Variants in PTPRD observed in about 807,000 individuals in gnomAD.
The protein encoded by PTPRD is receptor-type tyrosine-protein phosphatase delta.
PTPRD carries 34 observed loss-of-function variants against 214.5 expected under a neutral mutation model. That is an observed-to-expected ratio of 0.16 (90% CI 0.12 to 0.21). The LOEUF (loss-of-function observed/expected upper bound fraction) is 0.21, where lower values mean the gene tolerates loss of function less well. PTPRD is among the 10% of genes least tolerant of loss of function. PTPRD has a pLI of 1.00. For synonymous variants in PTPRD, 1,128 were observed against 845.7 expected, an observed-to-expected ratio of 1.33 and a Z score of -5.79; for missense variants, 2,545 against 2,398.7, an observed-to-expected ratio of 1.06 and a Z score of -1.27.
intron 2 of PTPRD, among the ~76,000 whole-genome samples, chr9:10,376,645 A>G (rs776853369): frequency 2.6e-5 from 4 of 151,970 alleles, no homozygotes; most frequent in East Asian, 3.9e-4. Context: ...TTATTCTTCA[A>G]TGCTATTTAA....
At chr9:9,853,730 G>A (rs2060994387) in intron 5 of PTPRD, among the ~76,000 whole-genome samples, 1 of 151,990 alleles carries the variant, frequency 6.6e-6, no homozygotes, top group Non-Finnish European at 1.5e-5. Flanking sequence ...TGTATTTTTA[G>A]TAGAGACGGG....
chr9:9,887,149 C>T (rs1425644645), intron 5 of PTPRD, among the ~76,000 whole-genome samples: 1 of 152,136 alleles, frequency 6.6e-6, no homozygotes, highest in African/African-American at 2.4e-5. Flanking sequence ...TCTTCTCATA[C>T]TTTCACTTCA....
At chr9:10,052,234 C>T (rs989781140) in intron 3 of PTPRD, among the ~76,000 whole-genome samples, 1 of 152,150 alleles carries the variant, frequency 6.6e-6, no homozygotes, top group Non-Finnish European at 1.5e-5. Context: ...GCTGCTTCAC[C>T]TGCCTTTACA....
intron 9 of PTPRD, among the ~76,000 whole-genome samples, chr9:9,208,682 A>T (rs1260179650): frequency 6.6e-6 from 1 of 152,186 alleles, no homozygotes; most frequent in East Asian, 1.9e-4. Flanking sequence ...TGTAGAAAGA[A>T]ATAAAGAAGA....
chr9:9,079,081 A>C (rs191163663), intron 10 of PTPRD, among the ~76,000 whole-genome samples: 2 of 152,026 alleles, frequency 1.3e-5, no homozygotes. Context: ...TTCTCCTTCT[A>C]GTTATTTGAA....
intron 2 of PTPRD, among the ~76,000 whole-genome samples, chr9:10,505,279 G>A (rs562781249): frequency 7.8e-4 from 118 of 152,252 alleles, no homozygotes; most frequent in African/African-American, 2.7e-3. Context: ...CCCAAAGAGA[G>A]GCAATTAGAC....
At chr9:10,328,262 G>C (rs1431096936) in intron 3 of PTPRD, among the ~76,000 whole-genome samples, 1 of 151,476 alleles carries the variant, frequency 6.6e-6, no homozygotes. Flanking sequence ...TTTCTTAGTA[G>C]CTCAGAGACA....
chr9:9,750,222 T>C (rs1309089405), intron 6 of PTPRD, among the ~76,000 whole-genome samples: 1 of 152,144 alleles, frequency 6.6e-6, no homozygotes, highest in African/African-American at 2.4e-5. Flanking sequence ...ATTCTAGCAA[T>C]TATATACTTT....
intron 39 of PTPRD, among the ~76,000 whole-genome samples, chr9:8,366,413 A>T (rs2079891796): frequency 6.6e-6 from 1 of 152,208 alleles, no homozygotes; most frequent in Admixed American, 6.5e-5. Flanking sequence ...TGGAAGAGGT[A>T]TTGAGGGAGG....
intron 11 of PTPRD, among the ~76,000 whole-genome samples, chr9:8,783,186 T>C (rs2095805119): frequency 6.6e-6 from 1 of 152,158 alleles, no homozygotes; most frequent in Non-Finnish European, 1.5e-5. Flanking sequence ...AAATCCATTT[T>C]AAAGTCAGAA....
intron 9 of PTPRD, among the ~76,000 whole-genome samples, chr9:9,297,971 T>A (rs927915659): frequency 6.6e-6 from 1 of 151,634 alleles, no homozygotes; most frequent in Non-Finnish European, 1.5e-5. Flanking sequence ...TAAGTTTGGT[T>A]TGGATAATTC....
chr9:9,457,102 G>A (rs1365982845), intron 8 of PTPRD, among the ~76,000 whole-genome samples: 2 of 151,848 alleles, frequency 1.3e-5, no homozygotes, highest in Non-Finnish European at 2.9e-5. Flanking sequence ...ACAGCAATAG[G>A]GTAGTGAGTA....
At chr9:9,091,540 G>C (rs1160757713) in intron 10 of PTPRD, among the ~76,000 whole-genome samples, 1 of 152,128 alleles carries the variant, frequency 6.6e-6, no homozygotes, top group Non-Finnish European at 1.5e-5. Context: ...CCCATTTCCA[G>C]TATCAACTCT....
rs534486118 is a variant in PTPRD at position 10,181,015 on chromosome 9, C to T, written c.-544-147225G>A. 3.3e-5 allele frequency among the ~76,000 whole-genome samples: 5 copies of T among 152,154 alleles called. No individual in the cohort carries two copies. The South Asian group carries it at 1.0e-3, about 32-fold the overall frequency. ...TTAAGAATAGCATCAGGATTGTCTT[C>T]TACCACTCCTACTGTGTAGCACAGA... On this transcript the variant is annotated intron_variant, in intron 3 of 45. Transcript: ENST00000381196.
At chr9:9,747,816 G>C (rs62534713) in intron 6 of PTPRD, among the ~76,000 whole-genome samples, 5,681 of 152,182 alleles carry the variant, frequency 0.037, 171 homozygotes, top group Non-Finnish European at 0.058. Context: ...GCCTCCCAAA[G>C]TGCTGGGATT....
chr9:9,113,622 T>C (rs1365681337), intron 10 of PTPRD, among the ~76,000 whole-genome samples: 1 of 152,136 alleles, frequency 6.6e-6, no homozygotes, highest in East Asian at 1.9e-4. Flanking sequence ...TAGTAGTTAG[T>C]TAAACAGGCT....
At chr9:10,202,240 T>A (rs899436208) in intron 3 of PTPRD, among the ~76,000 whole-genome samples, 8 of 152,064 alleles carry the variant, frequency 5.3e-5, no homozygotes, top group African/African-American at 7.2e-5. Flanking sequence ...TTTGGGCTTA[T>A]TACAAAAATA....
chr9:10,583,809 T>G (rs757938308), intron 2 of PTPRD, among the ~76,000 whole-genome samples: 1 of 152,144 alleles, frequency 6.6e-6, no homozygotes, highest in Non-Finnish European at 1.5e-5. Flanking sequence ...GTGGTATTGA[T>G]AGCTATGCTC....
intron 12 of PTPRD, among the ~76,000 whole-genome samples, chr9:8,652,107 T>G (rs180724252): frequency 6.6e-6 from 1 of 152,174 alleles, no homozygotes; most frequent in Non-Finnish European, 1.5e-5. Context: ...TGTCCTCTAA[T>G]TTACAGCTCA....
Sources: allele counts gnomAD v4.1 joint callset (sites outside exome capture counted in the v4.1 genomes callset), GRCh38; gene constraint gnomAD v4.1.1; transcripts MANE v1.5; gene names NCBI Gene and HGNC (gene_info 2026-07-23, HGNC 2026-07-21).